Variants in PDE3A observed in about 807,000 individuals in gnomAD.
The protein encoded by PDE3A is phosphodiesterase 3A.
Under a neutral mutation model 98.3 loss-of-function variants are expected in PDE3A, and 43 were observed. The observed-to-expected ratio is 0.44, with a 90% CI of 0.34 to 0.56. The LOEUF (loss-of-function observed/expected upper bound fraction) is 0.56. PDE3A is among the 20% of genes least tolerant of loss of function. The probability of loss-of-function intolerance (pLI) is 0.01; values close to 1 mark genes in which losing one functional copy is unlikely to be tolerated. For missense variants in PDE3A, 1,427 were observed against 1,440.7 expected (o/e 0.99, Z 0.15); for synonymous variants, 663 against 567.9 (o/e 1.17, Z -2.38).
intron 2 of PDE3A, among the ~76,000 whole-genome samples, chr12:20,603,834 G>A (rs1006612392): frequency 6.6e-6 from 1 of 152,038 alleles, no homozygotes; most frequent in Non-Finnish European, 1.5e-5. Flanking sequence ...CTATACAGTC[G>A]ATATTACTAT....
At chr12:20,541,590 C>A (rs567232933) in intron 1 of PDE3A, among the ~76,000 whole-genome samples, 1 of 152,194 alleles carries the variant, frequency 6.6e-6, no homozygotes, top group South Asian at 2.1e-4. Flanking sequence ...AGTTTTAGGT[C>A]ATACTTTACT....
intron 1 of PDE3A, among the ~76,000 whole-genome samples, chr12:20,380,946 G>T (rs1367005084): frequency 6.6e-6 from 1 of 151,854 alleles, no homozygotes; most frequent in East Asian, 1.9e-4. Flanking sequence ...GAGACAAGGA[G>T]CTAACTGTGT....
chr12:20,635,843 C>T (rs1240868960), intron 8 of PDE3A, among the ~76,000 whole-genome samples: 3 of 151,800 alleles, frequency 2.0e-5, no homozygotes, highest in Non-Finnish European at 4.4e-5. Flanking sequence ...CAGCCCTTCC[C>T]ATACATATCA....
rs1942234948 is a variant in PDE3A, at chr12:20,552,350, T to C, written c.961-4310T>C. On this transcript the variant is annotated intron_variant, in intron 1 of 15. Transcript: ENST00000359062. This position sits in a 1 kb window ranked among gnomAD's most constrained non-coding sequence, Gnocchi z 5.1. ...CCCGAGAAGGGGAAGTCCGGGTTTC[T>C]CGTGTGGCGCTACCTTCTGCGGAGG... 6.2e-7 allele frequency: 1 copy of C among 1,613,572 alleles called. No individual in the cohort carries two copies. Among genetic ancestry groups the C allele is most frequent in the Admixed American group, 1.7e-5 (1 of 59,978 alleles).
In PDE3A at chr12:20,650,511, A is replaced by G. The variant is rs768841580; in HGVS notation, c.2836A>G (p.Ile946Val). 4 of 1,610,844 alleles carry G rather than the reference A, an allele frequency of 2.5e-6. No homozygotes were observed. The highest frequency in any genetic ancestry group is 2.2e-5 in the East Asian group (1 of 44,704). The change falls in exon 14 of 16, where the codon ATA (isoleucine) becomes GTA (valine). Residue 946 changes from isoleucine (I) to valine (V), a missense_variant. Around this residue, in one of 3 missense-constraint regions of PDE3A, gnomAD observed 273 missense variants for 420.3 expected, o/e 0.65. Coordinates refer to ENST00000359062, the MANE Select transcript of PDE3A (RefSeq NM_000921.5). ...TCGTCTACTGGTTTGTCAAATGTGT[A>G]TAAAGTTGGCTGATATCAATGGTCC... is the stretch of plus-strand genomic sequence containing the variant. ...NDRLLVCQMCIKLADINGPAK... is the reference protein window; with the variant it reads ...NDRLLVCQMCVKLADINGPAK...
intron 2 of PDE3A, among the ~76,000 whole-genome samples, chr12:20,601,004 T>C (rs993746494): frequency 2.0e-5 from 3 of 152,282 alleles, no homozygotes; most frequent in South Asian, 2.1e-4. Context: ...TCTCATATTA[T>C]TGAGTGCCCA....
intron 8 of PDE3A, among the ~76,000 whole-genome samples, chr12:20,636,242 A>G (rs1270082872): frequency 6.6e-6 from 1 of 152,226 alleles, no homozygotes; most frequent in Non-Finnish European, 1.5e-5. Context: ...GGAGGATGGA[A>G]GCATATATTT....
intron 15 of PDE3A, among the ~76,000 whole-genome samples, chr12:20,670,111 A>C (rs544173873): frequency 6.7e-6 from 1 of 150,208 alleles, no homozygotes; most frequent in Non-Finnish European, 1.5e-5. Flanking sequence ...AGGCCATTAC[A>C]TAATGGTAAA....
At position 20,475,736 on chromosome 12, in the gene PDE3A, T is replaced by C. The variant is rs201200876; in HGVS notation, c.961-80924T>C. Among the ~76,000 whole-genome samples, 37 of 143,486 alleles carry C rather than the reference T, an allele frequency of 2.6e-4. 1 individual carries two copies. The highest frequency in any genetic ancestry group is 8.8e-4 in the African/African-American group (36 of 40,896). The allele number at this position is 143,486 out of a possible 152,430, so 94.1% of individuals were successfully genotyped here. On this transcript the variant is annotated intron_variant, in intron 1 of 15. Transcript: ENST00000359062. ...CACACCATACACACACACACACACA[T>C]ACACAATCTTGGTATGTAATGAACA...
At chr12:20,635,343 T>A (rs1165459677) in intron 8 of PDE3A, among the ~76,000 whole-genome samples, 1 of 149,930 alleles carries the variant, frequency 6.7e-6, no homozygotes, top group African/African-American at 2.5e-5. Flanking sequence ...AAGGCGGGAG[T>A]ATCACGAGGT....
intron 1 of PDE3A, among the ~76,000 whole-genome samples, chr12:20,483,346 A>T (rs1207512390): frequency 6.6e-6 from 1 of 152,122 alleles, no homozygotes; most frequent in Non-Finnish European, 1.5e-5. Flanking sequence ...CCGAGATCGC[A>T]CCACTGCACT....
intron 2 of PDE3A, among the ~76,000 whole-genome samples, chr12:20,598,801 A>C (rs1024001810): frequency 5.3e-5 from 8 of 152,142 alleles, no homozygotes; most frequent in Non-Finnish European, 1.0e-4. Flanking sequence ...ACCTATTTCC[A>C]AGTGCAAATG....
chr12:20,568,496 A>C (rs1190058067), intron 2 of PDE3A, among the ~76,000 whole-genome samples: 1 of 151,926 alleles, frequency 6.6e-6, no homozygotes, highest in African/African-American at 2.4e-5. Context: ...ATTTTTGGGA[A>C]TGAACAGTGT....
At chr12:20,420,195 G>T (rs10770653) in intron 1 of PDE3A, among the ~76,000 whole-genome samples, 93,232 of 151,994 alleles carry the variant, frequency 0.61, 30,565 homozygotes, top group East Asian at 0.88. Flanking sequence ...AAGGGCTTGG[G>T]TATCACATGG....
chr12:20,551,962 C>T, intron 1 of PDE3A: 1 of 1,612,954 alleles, frequency 6.2e-7, no homozygotes, highest in Non-Finnish European at 8.5e-7. Flanking sequence ...CCATCGGCCC[C>T]ACGTGGCTGG....
At chr12:20,404,572 G>A (rs761193700) in intron 1 of PDE3A, among the ~76,000 whole-genome samples, 5 of 151,958 alleles carry the variant, frequency 3.3e-5, no homozygotes, top group Non-Finnish European at 5.9e-5. Flanking sequence ...CTTTTTTATT[G>A]ATTTATTGGT....
At chr12:20,550,507 A>G (rs1199943613) in intron 1 of PDE3A, among the ~76,000 whole-genome samples, 1 of 152,128 alleles carries the variant, frequency 6.6e-6, no homozygotes, top group Non-Finnish European at 1.5e-5. Flanking sequence ...TGTGAACCAT[A>G]TTATAATCAT....
chr12:20,441,999 TTA>T, intron 1 of PDE3A, among the ~76,000 whole-genome samples: 1 of 152,314 alleles, frequency 6.6e-6, no homozygotes, highest in South Asian at 2.1e-4. Context: ...TTTCCTTAGG[TTA>T]GTGCCTCCTC....
At chr12:20,513,490 G>A (rs1946264335) in intron 1 of PDE3A, among the ~76,000 whole-genome samples, 1 of 152,092 alleles carries the variant, frequency 6.6e-6, no homozygotes, top group South Asian at 2.1e-4. Flanking sequence ...TACTTTCTCT[G>A]GAGAAAGGTG....
Sources: allele counts gnomAD v4.1 joint callset (sites outside exome capture counted in the v4.1 genomes callset), GRCh38; gene constraint gnomAD v4.1.1; regional missense constraint gnomAD v4.1.1; non-coding constraint Gnocchi (gnomAD v3.1); transcripts MANE v1.5; gene names NCBI Gene and HGNC (gene_info 2026-07-23, HGNC 2026-07-21).